Variants in CNTN6 observed in about 807,000 individuals in gnomAD.
The protein encoded by CNTN6 is contactin-6.
In CNTN6, 137 loss-of-function variants were observed where a neutral mutation model predicts 122.8. That is an observed-to-expected ratio of 1.12 (90% confidence interval 0.97 to 1.29). The LOEUF is 1.29. CNTN6 is among the 50% of genes most tolerant of loss of function. CNTN6 has a pLI of 0.00. For synonymous variants in CNTN6, 570 were observed against 426.0 expected (o/e 1.34, Z -4.16); for missense variants, 1,634 against 1,223.4 (o/e 1.34, Z -5.01).
intron 5 of CNTN6, among the ~76,000 whole-genome samples, chr3:1,293,946 G>C (rs977656065): frequency 9.9e-5 from 15 of 152,174 alleles, no homozygotes; most frequent in African/African-American, 3.6e-4. Context: ...TAAAACGAAA[G>C]AAATTGACAG....
intron 1 of CNTN6, among the ~76,000 whole-genome samples, chr3:1,117,307 G>A (rs1180879384): frequency 6.6e-6 from 1 of 152,186 alleles, no homozygotes; most frequent in Non-Finnish European, 1.5e-5. Flanking sequence ...GAAGAACATG[G>A]TAGCCAGAGA....
intron 5 of CNTN6, among the ~76,000 whole-genome samples, chr3:1,280,459 A>ATTTTTTTTTTTT (rs71619483): frequency 0.16 from 10,523 of 66,062 alleles, 2,910 homozygotes; most frequent in Non-Finnish European, 0.23. Flanking sequence ...TGTAATACCA[A>ATTTTTTTTTTTT]TTTTTTTTTT....
intron 2 of CNTN6, among the ~76,000 whole-genome samples, chr3:1,213,879 A>C (rs181697013): frequency 6.6e-6 from 1 of 152,130 alleles, no homozygotes; most frequent in Admixed American, 6.5e-5. Flanking sequence ...TGATACAAAG[A>C]GGTCAGAGTG....
At chr3:1,323,141 A>G (rs1363977741) in intron 8 of CNTN6, among the ~76,000 whole-genome samples, 6 of 151,822 alleles carry the variant, frequency 4.0e-5, no homozygotes, top group African/African-American at 1.4e-4. Context: ...GTTAGCTTAC[A>G]TAGCAATTTT....
intron 4 of CNTN6, among the ~76,000 whole-genome samples, chr3:1,245,228 ATATATATACACAC>A (rs2094549847): frequency 2.4e-4 from 4 of 16,728 alleles, no homozygotes; most frequent in Admixed American, 6.1e-4. Context: ...ATATATATAT[ATATATATACACAC>A]ACACATATAT....
At chr3:1,266,132 A>T (rs1017846383) in intron 4 of CNTN6, among the ~76,000 whole-genome samples, 1 of 152,154 alleles carries the variant, frequency 6.6e-6, no homozygotes, top group Non-Finnish European at 1.5e-5. Context: ...TCAACATTAA[A>T]AATGATGACA....
chr3:1,210,802 G>GA, intron 2 of CNTN6, among the ~76,000 whole-genome samples: 1 of 152,236 alleles, frequency 6.6e-6, no homozygotes, highest in Non-Finnish European at 1.5e-5. Flanking sequence ...TCAAAAGGCA[G>GA]AAAAAAATTG....
chr3:1,146,465 C>T (rs190733285), intron 1 of CNTN6, among the ~76,000 whole-genome samples: 2 of 152,082 alleles, frequency 1.3e-5, no homozygotes, highest in African/African-American at 4.8e-5. Context: ...ACACTCTTTG[C>T]CTGGCAAAGA....
At chr3:1,371,180 G>A (rs918573613) in intron 12 of CNTN6, among the ~76,000 whole-genome samples, 9 of 152,090 alleles carry the variant, frequency 5.9e-5, no homozygotes, top group African/African-American at 2.2e-4. Context: ...ACATATAAAT[G>A]CAATCTCAAT....
intron 2 of CNTN6, among the ~76,000 whole-genome samples, chr3:1,199,518 G>A (rs1479988177): frequency 6.6e-6 from 1 of 152,050 alleles, no homozygotes; most frequent in Non-Finnish European, 1.5e-5. Flanking sequence ...GCCAAAATTG[G>A]TTGCAGCAGC....
At chr3:1,383,504 C>A in intron 19 of CNTN6, 96 bp downstream of exon 19, 1 of 903,152 alleles carries the variant, frequency 1.1e-6, no homozygotes. Flanking sequence ...CTGTTGTTAG[C>A]ATATGATAAT....
rs34426654 is a variant in CNTN6, at chr3:1,386,903, C to T, written c.2704+1106C>T. Among the ~76,000 whole-genome samples, 1,059 of 151,714 alleles carry T rather than the reference C, an allele frequency of 7.0e-3. 3 individuals are homozygous for T. The highest frequency in any genetic ancestry group is 0.01 in the Non-Finnish European group (695 of 67,984). ...TTATATTAAAGTTATTCCCCTTATGCGTATATATGCGTATATTTGTCATGT... is the reference window on the plus strand; with the variant it reads ...TTATATTAAAGTTATTCCCCTTATGTGTATATATGCGTATATTTGTCATGT... On this transcript the variant is annotated intron_variant, in intron 20 of 22. Coordinates refer to ENST00000446702, the MANE Select transcript of CNTN6 (RefSeq NM_001289080.2).
At chr3:1,202,563 T>C (rs201446131) in intron 2 of CNTN6, among the ~76,000 whole-genome samples, 6 of 74,000 alleles carry the variant, frequency 8.1e-5, no homozygotes, top group Non-Finnish European at 1.4e-4. Context: ...AATAAATAAA[T>C]AAATAAATAA....
intron 5 of CNTN6, among the ~76,000 whole-genome samples, chr3:1,290,034 T>A (rs1330423860): frequency 6.6e-6 from 1 of 152,198 alleles, no homozygotes; most frequent in Non-Finnish European, 1.5e-5. Context: ...AGTGTCATTG[T>A]CACCTAGGAG....
chr3:1,186,381 T>C (rs1206101669), intron 2 of CNTN6, among the ~76,000 whole-genome samples: 2 of 152,068 alleles, frequency 1.3e-5, no homozygotes, highest in African/African-American at 4.8e-5. Context: ...TACTCTCTCA[T>C]AATTACTTAT....
At chr3:1,099,258 T>C (rs979636799) in intron 1 of CNTN6, among the ~76,000 whole-genome samples, 20 of 152,112 alleles carry the variant, frequency 1.3e-4, no homozygotes, top group East Asian at 3.9e-4. Context: ...GAGACCATCC[T>C]GGCTAACACG....
intron 17 of CNTN6, among the ~76,000 whole-genome samples, chr3:1,380,684 G>A (rs1235655329): frequency 1.3e-5 from 2 of 152,092 alleles, no homozygotes; most frequent in African/African-American, 4.8e-5. Flanking sequence ...TGCTTTTGTA[G>A]CTCAAAAGAG....
chr3:1,175,575 A>T (rs903667595), intron 2 of CNTN6, among the ~76,000 whole-genome samples: 3 of 152,190 alleles, frequency 2.0e-5, no homozygotes, highest in Non-Finnish European at 2.9e-5. Flanking sequence ...TACTAAGGAT[A>T]CTCTACTATA....
intron 4 of CNTN6, among the ~76,000 whole-genome samples, chr3:1,276,083 C>G (rs17037051): frequency 0.014 from 2,177 of 152,206 alleles, 51 homozygotes; most frequent in African/African-American, 0.05. Context: ...AAAAAAACTA[C>G]AATGTGTAAT....
Sources: gnomAD v4.1 joint callset for allele counts (sites outside exome capture counted in the v4.1 genomes callset) on GRCh38, gnomAD v4.1.1 for gene constraint, MANE v1.5 for transcripts, NCBI Gene and HGNC (gene_info 2026-07-23, HGNC 2026-07-21) for gene names.